ADGRV1: variants seen among roughly 807,000 people sequenced by gnomAD.
ADGRV1 encodes the protein adhesion G protein-coupled receptor V1, also known as G-protein coupled receptor 98.
In ADGRV1, 359 loss-of-function variants were observed where a neutral mutation model predicts 596.2. The ratio of observed to expected loss-of-function variants is 0.60; its 90% confidence interval spans 0.55 to 0.66. The LOEUF (loss-of-function observed/expected upper bound fraction) is 0.66, where lower values mean the gene tolerates loss of function less well. ADGRV1 is among the 30% of genes least tolerant of loss of function. ADGRV1 has a pLI of 0.00. For missense variants in ADGRV1, 7,274 were observed against 7,575.6 expected (o/e 0.96, Z 1.48); for synonymous variants, 2,681 against 2,679.2 (o/e 1.00, Z -0.02).
intron 77 of ADGRV1, among the ~76,000 whole-genome samples, chr5:90,830,330 A>G (rs1041995105): frequency 6.6e-6 from 1 of 152,182 alleles, no homozygotes; most frequent in Admixed American, 6.5e-5. Context: ...TACAGTAGGA[A>G]GACTTGAGTA....
chr5:91,011,722 G>T (rs1782736992), intron 85 of ADGRV1, among the ~76,000 whole-genome samples: 1 of 151,650 alleles, frequency 6.6e-6, no homozygotes, highest in Non-Finnish European at 1.5e-5. Flanking sequence ...CATTCACAAA[G>T]GCTTTTCCCA....
At chr5:90,863,477 G>A (rs960398900) in intron 82 of ADGRV1, among the ~76,000 whole-genome samples, 2 of 152,106 alleles carry the variant, frequency 1.3e-5, no homozygotes, top group African/African-American at 4.8e-5. Context: ...TAAAAAAGGG[G>A]TAATTACCAA....
chr5:91,161,144 C>T (rs1389090481), intron 89 of ADGRV1, among the ~76,000 whole-genome samples: 1 of 152,196 alleles, frequency 6.6e-6, no homozygotes, highest in Admixed American at 6.5e-5. Context: ...TCTGTTCCTC[C>T]CTAGTGCTTC....
intron 1 of ADGRV1, among the ~76,000 whole-genome samples, chr5:90,583,427 A>G (rs146639995): frequency 6.6e-6 from 1 of 152,236 alleles, no homozygotes; most frequent in Admixed American, 6.5e-5. Context: ...TACAGCCTCA[A>G]AACTTGTTTT....
At chr5:90,861,365 A>G (rs963296852) in intron 82 of ADGRV1, among the ~76,000 whole-genome samples, 1 of 151,184 alleles carries the variant, frequency 6.6e-6, no homozygotes, top group Non-Finnish European at 1.5e-5. Flanking sequence ...GCTGGATTGC[A>G]GTGGTGTGAT....
chr5:90,729,003 T>C, intron 49 of ADGRV1, 70 bp downstream of exon 49: 2 of 1,067,996 alleles, frequency 1.9e-6, no homozygotes, highest in Non-Finnish European at 2.6e-6. Context: ...TGGTATATTT[T>C]ATATGAAAAT....
intron 78 of ADGRV1, chr5:90,846,742 G>C (rs1247536447): frequency 1.3e-5 from 2 of 152,450 alleles, no homozygotes; most frequent in East Asian, 3.8e-4. Flanking sequence ...CTTCCATAGT[G>C]TGCAAGGGGA....
chr5:90,890,823 A>G (rs1317225187), intron 83 of ADGRV1, among the ~76,000 whole-genome samples: 1 of 152,138 alleles, frequency 6.6e-6, no homozygotes, highest in Admixed American at 6.6e-5. Context: ...GTTTATCCTC[A>G]TCTTCTTCAA....
Position 90,643,862 on chromosome 5 carries a change from A to G in ADGRV1, c.2613A>G (p.Gly871=). Reference sequence around the variant, plus strand: ...ACGGAGAACGGGAAAGCAAGTTGGGAAGTGCCACCATTGTCAATATAACGA... The same window carrying G: ...ACGGAGAACGGGAAAGCAAGTTGGGGAGTGCCACCATTGTCAATATAACGA... ...SSHGERESKL[G]SATIVNITIL... Residue 871 remains glycine (G), a synonymous_variant, in exon 14 of 90, where the codon GGA becomes GGG. Transcript: ENST00000405460. 1 of 1,611,576 alleles carries G rather than the reference A, an allele frequency of 6.2e-7. No homozygotes were observed. Among genetic ancestry groups the G allele is most frequent in the Non-Finnish European group, 8.5e-7 (1 of 1,178,598 alleles).
intron 86 of ADGRV1, among the ~76,000 whole-genome samples, chr5:91,077,814 C>T (rs1047706657): frequency 3.9e-5 from 6 of 152,182 alleles, no homozygotes; most frequent in Non-Finnish European, 5.9e-5. Context: ...CTGTAATTTT[C>T]GGGCTTGGTT....
chr5:90,720,535 C>T (rs370444711), intron 44 of ADGRV1, among the ~76,000 whole-genome samples: 1 of 152,244 alleles, frequency 6.6e-6, no homozygotes, highest in East Asian at 1.9e-4. Context: ...AGAAAGCAGA[C>T]TTAACTGCTC....
intron 76 of ADGRV1, among the ~76,000 whole-genome samples, chr5:90,824,591 T>C (rs1357263877): frequency 1.3e-5 from 2 of 152,232 alleles, no homozygotes; most frequent in Admixed American, 6.5e-5. Flanking sequence ...ACTAAAACTT[T>C]CTGTCACACT....
At chr5:90,892,008 T>G (rs1281600635) in intron 83 of ADGRV1, among the ~76,000 whole-genome samples, 2 of 152,020 alleles carry the variant, frequency 1.3e-5, no homozygotes, top group African/African-American at 4.8e-5. Flanking sequence ...TTTCATCCTT[T>G]AGAATGTAAA....
chr5:90,689,075 T>C (rs1746106771), intron 29 of ADGRV1, among the ~76,000 whole-genome samples: 1 of 152,164 alleles, frequency 6.6e-6, no homozygotes, highest in Non-Finnish European at 1.5e-5. Flanking sequence ...CTAGTGTGCT[T>C]TCAGAGGAAC....
intron 22 of ADGRV1, among the ~76,000 whole-genome samples, chr5:90,673,438 A>G (rs561418748): frequency 2.6e-5 from 4 of 152,338 alleles, no homozygotes; most frequent in Admixed American, 6.5e-5. Context: ...TGTATAGGCT[A>G]CTGTCAGAAA....
At chr5:91,010,322 TC>T (rs778309038) in intron 85 of ADGRV1, among the ~76,000 whole-genome samples, 23 of 152,094 alleles carry the variant, frequency 1.5e-4, no homozygotes, top group Non-Finnish European at 2.9e-4. Flanking sequence ...CATCTATCCA[TC>T]TTCTAAAAGA....
chr5:90,952,519 A>T (rs1777139294), intron 83 of ADGRV1, among the ~76,000 whole-genome samples: 1 of 152,178 alleles, frequency 6.6e-6, no homozygotes, highest in Non-Finnish European at 1.5e-5. Flanking sequence ...CATCTGGAGC[A>T]TTCTGGATAC....
At chr5:90,996,146 T>C (rs1177272415) in intron 85 of ADGRV1, among the ~76,000 whole-genome samples, 2 of 149,660 alleles carry the variant, frequency 1.3e-5, no homozygotes, top group East Asian at 4.1e-4. Flanking sequence ...AGGAGCTGAG[T>C]CTTAATAGCT....
intron 1 of ADGRV1, among the ~76,000 whole-genome samples, chr5:90,575,076 A>C (rs942894772): frequency 6.6e-6 from 1 of 151,330 alleles, no homozygotes; most frequent in Non-Finnish European, 1.5e-5. Flanking sequence ...TGAATTTTGC[A>C]TCTTGATTTT....
Sources: gnomAD v4.1 joint callset for allele counts (sites outside exome capture counted in the v4.1 genomes callset) on GRCh38, gnomAD v4.1.1 for gene constraint, MANE v1.5 for transcripts, NCBI Gene and HGNC (gene_info 2026-07-23, HGNC 2026-07-21) for gene names.